ZNF233: variants seen among roughly 807,000 people sequenced by gnomAD.
ZNF233 encodes zinc finger protein 233.
Under a neutral mutation model 11.6 loss-of-function variants are expected in ZNF233, and 7 were observed. The observed-to-expected ratio is 0.60, with a 90% CI of 0.34 to 1.13. The LOEUF is 1.13. Among genes scored for constraint, ZNF233 ranks in the 50% most tolerant of loss-of-function variants. The pLI, the probability that ZNF233 is intolerant of heterozygous loss-of-function variation, is 0.03. For missense variants in ZNF233, 711 were observed against 785.5 expected, an observed-to-expected ratio of 0.91 and a Z score of 1.13; for synonymous variants, 226 against 268.5, an observed-to-expected ratio of 0.84 and a Z score of 1.55.
intron 4 of ZNF233, 84 bp downstream of exon 4, chr19:44,267,045 C>A: frequency 9.7e-7 from 1 of 1,032,262 alleles, no homozygotes; most frequent in Non-Finnish European, 1.4e-6. Flanking sequence ...CAGCCTGGCC[C>A]AAGACCCCAG....
rs756231013 is a variant in ZNF233, at chr19:44,274,655, T to C, written c.1995T>C (p.Asp665=). 4 of 1,602,982 alleles carry C rather than the reference T, an allele frequency of 2.5e-6. No homozygotes were observed. The South Asian group carries it at 3.3e-5, about 13-fold the overall frequency. Residue 665 remains aspartate, a synonymous_variant, in exon 5 of 5, where the codon GAT becomes GAC. Transcript: ENST00000683810. ...TTAGTAAGAGTTCGTTGTCTTCAGA[T>C]TCATCAGAGAGTCCATGATGGTGAT... The part of the protein sequence containing the change: ...KGFSKSSLSS[D]SSESP
chr19:44,261,670 G>A (rs908487401), intron 1 of ZNF233, among the ~76,000 whole-genome samples: 1 of 34,416 alleles, frequency 2.9e-5, no homozygotes, highest in African/African-American at 1.2e-4. Flanking sequence ...TTTTTTTTTT[G>A]AGACTGAGTC....
intron 2 of ZNF233, 134 bp downstream of exon 2, chr19:44,264,509 C>T (rs943796003): frequency 4.8e-5 from 36 of 755,818 alleles, no homozygotes; most frequent in Middle Eastern, 3.4e-4. Flanking sequence ...ACTTGATTTT[C>T]GATTGGTTCA....
chr19:44,272,878 G>A (rs1975274762), intron 4 of ZNF233, 21 bp from the exon 5 acceptor site: 10 of 1,459,758 alleles, frequency 6.9e-6, no homozygotes, highest in Non-Finnish European at 8.2e-6. Flanking sequence ...TTTCATTTCT[G>A]AGTTCTCTTT....
At position 44,264,355 on chromosome 19, in the gene ZNF233, G is replaced by A. The variant is rs780466492; in HGVS notation, c.-6G>A. 12 of 1,613,324 alleles carry A rather than the reference G, an allele frequency of 7.4e-6. No individual in the cohort carries two copies. In the East Asian group the frequency reaches 2.5e-4, roughly 33 times the overall value. ...CCCTGCCCTTCCCCAGAAGGAGCAG[G>A]AGAAAATGACCAAGTTTCAGGTGAG... On this transcript the variant is annotated 5_prime_UTR_variant, in exon 2 of 5. Coordinates refer to ENST00000683810, the MANE Select transcript of ZNF233 (RefSeq NM_001207005.2).
intron 4 of ZNF233, among the ~76,000 whole-genome samples, chr19:44,271,469 G>C (rs1169373942): frequency 6.6e-6 from 1 of 151,800 alleles, no homozygotes; most frequent in Non-Finnish European, 1.5e-5. Flanking sequence ...ATATAGCCAG[G>C]ATTTTGTAGA....
In ZNF233 at chr19:44,274,960, CA is replaced by C. The variant is rs1472173830; in HGVS notation, c.*288del. ...TACAATATGTTTCAATCAGAACCTT[CA>C]CATCCAATAAGCAATATGCAGGAGT... is the stretch of plus-strand genomic sequence containing the variant. On this transcript the variant is annotated 3_prime_UTR_variant, in exon 5 of 5. Transcript: ENST00000683810. 2.3e-6 allele frequency: 1 copy of C among 426,108 alleles called. No individual in the cohort carries two copies. The highest frequency in any genetic ancestry group is 3.3e-5 in the East Asian group (1 of 30,336). The allele number at this position is 426,108 out of a possible 1,614,324, so 26.4% of individuals were successfully genotyped here.
At chr19:44,260,142 G>A in intron 1 of ZNF233, 1 of 244,034 alleles carries the variant, frequency 4.1e-6, no homozygotes, top group Non-Finnish European at 8.4e-6. Context: ...AGGTCTCCCG[G>A]GCGCTCAAGT....
rs78355940 is a variant in ZNF233 at position 44,263,718 on chromosome 19, T to A, written c.-47-596T>A. Among the ~76,000 whole-genome samples the A allele has an allele frequency of 4.4e-3, 668 of 152,312 alleles. 3 individuals are homozygous for A. The highest frequency in any genetic ancestry group is 0.012 in the Admixed American group (191 of 15,284). Reference sequence around the variant, plus strand: ...ATTATAGACTTTTCAGAGGTAAAGGTGAATTTCATAAGATAAAGCATTGTA... The same window carrying A: ...ATTATAGACTTTTCAGAGGTAAAGGAGAATTTCATAAGATAAAGCATTGTA... On this transcript the variant is annotated intron_variant, in intron 1 of 4. Coordinates refer to ENST00000683810, the MANE Select transcript of ZNF233 (RefSeq NM_001207005.2).
intron 1 of ZNF233, among the ~76,000 whole-genome samples, chr19:44,261,648 CTTTTTTTTTTT>C (rs910276344): frequency 3.1e-5 from 4 of 128,286 alleles, no homozygotes; most frequent in African/African-American, 9.0e-5. Flanking sequence ...AATGATTTCA[CTTTTTTTTTTT>C]TTTTTTTTTT....
chr19:44,268,988 C>T (rs1440849701), intron 4 of ZNF233, among the ~76,000 whole-genome samples: 2 of 152,122 alleles, frequency 1.3e-5, no homozygotes, highest in African/African-American at 2.4e-5. Context: ...GAGAGACAGG[C>T]CCTGGATTTT....
intron 1 of ZNF233, 79 bp from the exon 2 acceptor site, chr19:44,264,235 C>A: frequency 1.1e-6 from 1 of 940,918 alleles, no homozygotes; most frequent in Non-Finnish European, 1.7e-6. Context: ...CCACCATGCC[C>A]GGCCACCTTT....
chr19:44,273,373 A>AG lies in ZNF233; in HGVS notation c.713_714insG (p.Asn238LysfsTer14). On this transcript the variant is annotated frameshift_variant, in exon 5 of 5. Coordinates refer to ENST00000683810, the MANE Select transcript of ZNF233 (RefSeq NM_001207005.2). LOFTEE classifies it low-confidence loss of function (END_TRUNC). The stretch of plus-strand genomic sequence containing the variant: ...AGAGAGAAAGCTTTTAGCCACAATA[A>AG]TTGTGGAAAAGACTGTGTGAAGGAA... The AG allele has an allele frequency of 6.2e-7, 1 of 1,614,228 alleles. No individual in the cohort carries two copies. Among genetic ancestry groups the AG allele is most frequent in the Non-Finnish European group, 8.5e-7 (1 of 1,180,052 alleles).
chr19:44,266,058 C>T (rs751323455), intron 2 of ZNF233, 140 bp from the exon 3 acceptor site: 40 of 862,230 alleles, frequency 4.6e-5, no homozygotes, highest in South Asian at 1.9e-4. Context: ...ATGGAGAAAA[C>T]GAGGAAGCTA....
At chr19:44,262,338 A>G (rs1399543127) in intron 1 of ZNF233, among the ~76,000 whole-genome samples, 1 of 152,254 alleles carries the variant, frequency 6.6e-6, no homozygotes, top group Non-Finnish European at 1.5e-5. Flanking sequence ...CTGGAGGCAG[A>G]GTGGCAGGAG....
intron 3 of ZNF233, among the ~76,000 whole-genome samples, chr19:44,266,646 A>G (rs1975092139): frequency 6.6e-6 from 1 of 152,214 alleles, no homozygotes; most frequent in Non-Finnish European, 1.5e-5. Context: ...ATGTGATAAA[A>G]GTAGATAATG....
At chr19:44,265,416 TTTC>T (rs1307312664) in intron 2 of ZNF233, among the ~76,000 whole-genome samples, 14 of 149,866 alleles carry the variant, frequency 9.3e-5, no homozygotes, top group East Asian at 5.9e-4. Context: ...CACACCACGG[TTTC>T]TTTTCTTTTG....
intron 2 of ZNF233, among the ~76,000 whole-genome samples, chr19:44,265,401 ACACACAC>A (rs1975052198): frequency 6.7e-6 from 1 of 148,834 alleles, no homozygotes. Flanking sequence ...ACACACACAC[ACACACAC>A]ACCACGGTTT....
chr19:44,268,903 C>A (rs952381080), intron 4 of ZNF233, among the ~76,000 whole-genome samples: 5 of 152,152 alleles, frequency 3.3e-5, no homozygotes, highest in Non-Finnish European at 5.9e-5. Context: ...GATAGAAGCA[C>A]CAAAACGCAA....
Sources: gnomAD v4.1 joint callset for allele counts (sites outside exome capture counted in the v4.1 genomes callset) on GRCh38, gnomAD v4.1.1 for gene constraint, MANE v1.5 for transcripts, NCBI Gene and HGNC (gene_info 2026-07-23, HGNC 2026-07-21) for gene names.